The following DMD variants were observed in gnomAD, a reference collection of about 807,000 sequenced individuals.
The protein encoded by DMD is dystrophin, also known as mutant dystrophin.
In DMD, 63 loss-of-function variants were observed where a neutral mutation model predicts 330.1. The ratio of observed to expected loss-of-function variants is 0.19; its 90% confidence interval spans 0.16 to 0.24. The LOEUF is 0.24. DMD is among the 10% of genes least tolerant of loss of function. The probability of loss-of-function intolerance (pLI) is 1.00; values close to 1 mark genes in which losing one functional copy is unlikely to be tolerated. For synonymous variants in DMD, 1,223 were observed against 959.8 expected (o/e 1.27, Z -5.07); for missense variants, 3,344 against 2,684.1 (o/e 1.25, Z -5.43).
At position 31,293,341 on chromosome X, in the gene DMD, T is replaced by C. The variant is rs2053920493; in HGVS notation, c.9224+30257A>G. On this transcript the variant is annotated intron_variant, in intron 62 of 78. Coordinates refer to ENST00000357033, the MANE Select transcript of DMD (RefSeq NM_004006.3). ...TGTGATAATTGCATTGAGCTGAACATGTTTCATCTGTATACTTTCTGAATG... is the reference window on the plus strand; with the variant it reads ...TGTGATAATTGCATTGAGCTGAACACGTTTCATCTGTATACTTTCTGAATG... 2.7e-5 allele frequency among the ~76,000 whole-genome samples: 3 copies of C among 109,633 alleles called. No homozygotes were observed. The South Asian group carries it at 1.2e-3, about 44-fold the overall frequency.
intron 62 of DMD, among the ~76,000 whole-genome samples, chrX:31,269,422 C>T (rs2051441843): frequency 9.0e-6 from 1 of 111,375 alleles, no homozygotes; most frequent in Non-Finnish European, 1.9e-5. Context: ...GCTACCAGAA[C>T]AAACTTCAGC....
At chrX:31,771,305 G>A (rs1018775388) in intron 51 of DMD, among the ~76,000 whole-genome samples, 2 of 110,017 alleles carry the variant, frequency 1.8e-5, no homozygotes, top group South Asian at 7.6e-4. Context: ...AAGAGGAAGA[G>A]GCAGGCAAAG....
At chrX:31,513,502 G>C (rs2071864685) in intron 55 of DMD, among the ~76,000 whole-genome samples, 1 of 111,294 alleles carries the variant, frequency 9.0e-6, no homozygotes, top group South Asian at 3.9e-4. Flanking sequence ...GGAGTTCTCA[G>C]TGGGTAGCCA....
chrX:32,330,986 G>C (rs1603630908), intron 41 of DMD, among the ~76,000 whole-genome samples: 1 of 111,436 alleles, frequency 9.0e-6, no homozygotes, highest in South Asian at 3.7e-4. Context: ...AAAACTCTGT[G>C]TTAATTCAAT....
chrX:31,886,457 G>GA (rs1164001148), intron 47 of DMD, among the ~76,000 whole-genome samples: 2 of 111,100 alleles, frequency 1.8e-5, no homozygotes, highest in African/African-American at 6.5e-5. Flanking sequence ...CAAATCAGTA[G>GA]AAAAAAAGAC....
chrX:32,203,749 A>C (rs2097051420), intron 44 of DMD, among the ~76,000 whole-genome samples: 1 of 111,587 alleles, frequency 9.0e-6, no homozygotes, highest in Admixed American at 9.6e-5. Flanking sequence ...AATCCGCCAA[A>C]TCTATATATC....
chrX:31,770,770 CCT>C (rs772247589), intron 51 of DMD, among the ~76,000 whole-genome samples: 1 of 111,846 alleles, frequency 8.9e-6, no homozygotes, highest in African/African-American at 3.2e-5. Context: ...CCTTACTGTG[CCT>C]CTCTATCTAC....
chrX:31,441,784 GA>G (rs1173285939), intron 60 of DMD, among the ~76,000 whole-genome samples: 5 of 111,735 alleles, frequency 4.5e-5, no homozygotes, highest in Non-Finnish European at 9.4e-5. Context: ...CCAGTAATGG[GA>G]AAAAAATTGC....
At chrX:31,263,731 CAG>C (rs1377418869) in intron 62 of DMD, among the ~76,000 whole-genome samples, 1 of 112,450 alleles carries the variant, frequency 8.9e-6, no homozygotes, top group East Asian at 2.8e-4. Context: ...ACTAGAAAAA[CAG>C]ATTTAGATTT....
intron 74 of DMD, among the ~76,000 whole-genome samples, chrX:31,148,964 T>C (rs918941014): frequency 8.9e-6 from 1 of 112,381 alleles, no homozygotes; most frequent in African/African-American, 3.2e-5. Flanking sequence ...GTGTAGCTTA[T>C]CTTTAACTTT....
chrX:32,011,173 C>A (rs1453506766), intron 44 of DMD, among the ~76,000 whole-genome samples: 2 of 112,018 alleles, frequency 1.8e-5, no homozygotes, highest in Non-Finnish European at 3.8e-5. Flanking sequence ...TGTGACAGAT[C>A]AAGTCAATAT....
At chrX:32,397,236 C>G (rs1240906724) in intron 30 of DMD, among the ~76,000 whole-genome samples, 1 of 111,432 alleles carries the variant, frequency 9.0e-6, no homozygotes, top group Non-Finnish European at 1.9e-5. Context: ...CTAATATATA[C>G]ATCTAGGGGG....
intron 57 of DMD, among the ~76,000 whole-genome samples, chrX:31,493,327 C>T (rs745804494): frequency 7.1e-5 from 8 of 112,095 alleles, no homozygotes; most frequent in South Asian, 3.8e-4. Context: ...TGACAAACAA[C>T]GCTATGTTAT....
chrX:31,799,477 A>G (rs762158025), intron 50 of DMD, among the ~76,000 whole-genome samples: 13 of 111,093 alleles, frequency 1.2e-4, no homozygotes, highest in Non-Finnish European at 2.5e-4. Flanking sequence ...CATGGGGGAA[A>G]CTGCCTCCAT....
chrX:31,870,107 A>G (rs2093866393), intron 48 of DMD, among the ~76,000 whole-genome samples: 2 of 111,709 alleles, frequency 1.8e-5, no homozygotes, highest in African/African-American at 3.2e-5. Context: ...CAATGGGAAA[A>G]CTGGTTTCCC....
chrX:32,441,229 G>A lies in DMD; in HGVS notation c.3872C>T (p.Thr1291Ile), dbSNP rs1325177475. Residue 1291 changes from threonine (T) to isoleucine (I), a missense_variant, in exon 28 of 79, where the codon ACC becomes ATC. Transcript: ENST00000357033. Reference protein sequence around the residue: ...WLNEVEFKLKTTENIPGGAEE... With the variant: ...WLNEVEFKLKITENIPGGAEE... ...AGCTCCGCCAGGAATGTTTTCAGTGGTTTTAAGTTTAAATTCTACTTCATT... is the reference window on the plus strand; with the variant it reads ...AGCTCCGCCAGGAATGTTTTCAGTGATTTTAAGTTTAAATTCTACTTCATT... The A allele has an allele frequency of 1.7e-6, 2 of 1,208,892 alleles. No individual in the cohort carries two copies. The highest frequency in any genetic ancestry group is 2.2e-6 in the Non-Finnish European group (2 of 893,394).
intron 1 of DMD, among the ~76,000 whole-genome samples, chrX:33,207,721 C>A (rs1423375523): frequency 9.0e-6 from 1 of 111,479 alleles, no homozygotes; most frequent in Non-Finnish European, 1.9e-5. Context: ...TAGCATGAAA[C>A]CCCAAGGAAG....
chrX:32,252,687 T>TAC (rs1422191506), intron 43 of DMD, among the ~76,000 whole-genome samples: 1 of 35,520 alleles, frequency 2.8e-5, no homozygotes, highest in Non-Finnish European at 4.6e-5. Flanking sequence ...AATATATAAA[T>TAC]ATATATATAA....
intron 1 of DMD, among the ~76,000 whole-genome samples, chrX:33,057,041 C>CA: frequency 2.7e-5 from 3 of 111,467 alleles, no homozygotes; most frequent in Middle Eastern, 9.3e-3. Context: ...CGTGTAAGTA[C>CA]ATATTGATCA....
Sources: gnomAD v4.1 joint callset for allele counts (sites outside exome capture counted in the v4.1 genomes callset) on GRCh38, gnomAD v4.1.1 for gene constraint, MANE v1.5 for transcripts, NCBI Gene and HGNC (gene_info 2026-07-23, HGNC 2026-07-21) for gene names.